Variants in AXIN2 observed in about 807,000 individuals in gnomAD.
AXIN2 encodes the protein axin 2.
In AXIN2, 21 loss-of-function variants were observed where a neutral mutation model predicts 74.7. That is an observed-to-expected ratio of 0.28 (90% CI 0.20 to 0.40). The LOEUF (loss-of-function observed/expected upper bound fraction) is 0.40, where lower values mean the gene tolerates loss of function less well. AXIN2 is among the 10% of genes least tolerant of loss of function. The pLI is 1.00. For missense variants in AXIN2, 1,144 were observed against 1,111.1 expected (o/e 1.03, Z -0.42); for synonymous variants, 532 against 454.9 (o/e 1.17, Z -2.16).
intron 1 of AXIN2, chr17:65,561,053 C>A (rs1218592405): frequency 6.7e-6 from 1 of 149,210 alleles, no homozygotes; most frequent in Non-Finnish European, 1.5e-5. Context: ...CGCCCCGCCG[C>A]CCCTTTTATG....
chr17:65,533,696 C>T (rs898657805), intron 10 of AXIN2, among the ~76,000 whole-genome samples: 1 of 152,206 alleles, frequency 6.6e-6, no homozygotes, highest in Non-Finnish European at 1.5e-5. Flanking sequence ...CCCCAGAGAA[C>T]CCTCCACGCA....
At chr17:65,533,453 A>C (rs1015313594) in intron 10 of AXIN2, among the ~76,000 whole-genome samples, 3 of 152,184 alleles carry the variant, frequency 2.0e-5, no homozygotes, top group Non-Finnish European at 2.9e-5. Context: ...GGAGCCTTCA[A>C]TGTGGGGGTC....
At chr17:65,551,889 G>A (rs1413574097) in intron 2 of AXIN2, among the ~76,000 whole-genome samples, 3 of 152,218 alleles carry the variant, frequency 2.0e-5, no homozygotes, top group African/African-American at 7.2e-5. Context: ...GAAATATGCT[G>A]TAGGCATAGA....
In AXIN2 at chr17:65,558,264, C is replaced by G. The variant is rs2144587270; in HGVS notation, c.357G>C (p.Gln119His). ...DFWFACNGFR[Q>H]MNLKDTKTLR... is the part of the protein sequence containing the mutation. ...AAGTTTTGGTATCCTTCAGGTTCAT[C>G]TGCCTGAATCCATTGCAGGCAAACC... Residue 119 changes from glutamine to histidine, a missense_variant, in exon 2 of 11, where the codon CAG (glutamine) becomes CAC (histidine). Coordinates refer to ENST00000307078, the MANE Select transcript of AXIN2 (RefSeq NM_004655.4). 1 of 1,614,206 alleles carries G rather than the reference C, an allele frequency of 6.2e-7. No individual in the cohort carries two copies. The highest frequency in any genetic ancestry group is 8.5e-7 in the Non-Finnish European group (1 of 1,180,042).
intron 9 of AXIN2, among the ~76,000 whole-genome samples, chr17:65,534,858 A>C (rs1241141115): frequency 2.0e-5 from 3 of 152,144 alleles, no homozygotes; most frequent in Admixed American, 6.5e-5. Flanking sequence ...TGAACCCAGG[A>C]GGCGGAGGCT....
At chr17:65,539,739 C>T (rs1026970723) in intron 4 of AXIN2, among the ~76,000 whole-genome samples, 2 of 152,342 alleles carry the variant, frequency 1.3e-5, no homozygotes, top group Middle Eastern at 6.8e-3. Context: ...ATTTTTTAAA[C>T]ACAACATAAC....
intron 1 of AXIN2, 31 bp from the exon 2 acceptor site, chr17:65,558,767 A>G (rs561099225): frequency 1.2e-6 from 1 of 813,318 alleles, no homozygotes; most frequent in East Asian, 2.7e-5. Context: ...GGAGGTGGGG[A>G]GAGAGAAAAG....
rs1385371992 is a variant in AXIN2, at chr17:65,549,603, A to G, written c.873T>C (p.Phe291=). The change falls in exon 3 of 11, where the codon TTT becomes TTC. Residue 291 remains phenylalanine, a synonymous_variant. Coordinates refer to ENST00000307078, the MANE Select transcript of AXIN2 (RefSeq NM_004655.4). ...TGTCGTTGGCGCTGGTGGCTGGTGC[A>G]AAGACATAGCCAGAACCTATGTGAT... The part of the protein sequence containing the change: ...NPYHIGSGYV[F]APATSANDSE... The G allele has an allele frequency of 1.9e-6, 3 of 1,606,654 alleles. No homozygotes were observed. The highest frequency in any genetic ancestry group is 2.2e-5 in the East Asian group (1 of 44,670).
rs577136523 is a variant in AXIN2 at position 65,537,937 on chromosome 17, C to T, written c.1201-102G>A. ...CTCCCTACGCAGGAGCACGCACACC[C>T]GTGTGCACGCCCACAGCCACGCCCA... is the stretch of plus-strand genomic sequence containing the variant. On this transcript the variant is annotated intron_variant, in intron 5 of 10. Coordinates refer to ENST00000307078, the MANE Select transcript of AXIN2 (RefSeq NM_004655.4). The T allele has an allele frequency of 9.8e-6, 14 of 1,433,038 alleles. No homozygotes were observed. The East Asian group carries it at 2.0e-4, about 20-fold the overall frequency. 88.8% of individuals were successfully genotyped at this position (1,433,038 alleles called of 1,614,324 possible). A position where few individuals can be genotyped will look rare whatever the true frequency, so the allele number is the denominator to read the frequency against.
rs760074335 is a variant in AXIN2 at position 65,558,165 on chromosome 17, G to A, written c.456C>T (p.Ala152=). 1.9e-6 allele frequency: 3 copies of A among 1,613,944 alleles called. No individual in the cohort carries two copies. Among genetic ancestry groups the A allele is most frequent in the African/African-American group, 2.7e-5 (2 of 74,876 alleles). ...TGCCATCTCTTATGTAGGTCTTGGT[G>A]GCAGGCTTCAGCTGCTTGGAGACAA... The part of the protein sequence containing the change: ...NSIVSKQLKP[A]TKTYIRDGIK... Residue 152 remains alanine, a synonymous_variant, in exon 2 of 11, where the codon GCC becomes GCT. Coordinates refer to ENST00000307078, the MANE Select transcript of AXIN2 (RefSeq NM_004655.4).
At position 65,529,807 on chromosome 17, in the gene AXIN2, A is replaced by G. The variant is rs1567749466; in HGVS notation, c.*169T>C. On this transcript the variant is annotated 3_prime_UTR_variant, in exon 11 of 11. Coordinates refer to ENST00000307078, the MANE Select transcript of AXIN2 (RefSeq NM_004655.4). The stretch of plus-strand genomic sequence containing the variant: ...AGTACCCAGCTCATGAATCATGAAA[A>G]TCAACCTCCCCCCGCCCTCCCGAAG... 5.6e-6 allele frequency: 6 copies of G among 1,074,668 alleles called. No homozygotes were observed. Among genetic ancestry groups the G allele is most frequent in the Non-Finnish European group, 6.8e-6 (5 of 732,692 alleles). 66.6% of individuals were successfully genotyped at this position (1,074,668 alleles called of 1,614,324 possible).
chr17:65,532,323 T>C (rs1354064521), intron 10 of AXIN2, among the ~76,000 whole-genome samples: 6 of 152,080 alleles, frequency 3.9e-5, no homozygotes, highest in Non-Finnish European at 4.4e-5. Context: ...CACCTGCAGT[T>C]CCACTCGAAG....
chr17:65,557,033 T>C (rs915209987), intron 2 of AXIN2, among the ~76,000 whole-genome samples: 1 of 152,204 alleles, frequency 6.6e-6, no homozygotes, highest in African/African-American at 2.4e-5. Context: ...AAGAACTATT[T>C]GTCTTTGAAG....
intron 2 of AXIN2, among the ~76,000 whole-genome samples, chr17:65,552,559 G>A (rs2044208582): frequency 6.6e-6 from 1 of 152,156 alleles, no homozygotes; most frequent in Non-Finnish European, 1.5e-5. Context: ...TGGCTGCAGT[G>A]CTCACTGCTG....
intron 4 of AXIN2, among the ~76,000 whole-genome samples, chr17:65,538,999 C>T (rs1485548538): frequency 6.6e-6 from 1 of 152,166 alleles, no homozygotes; most frequent in Non-Finnish European, 1.5e-5. Context: ...AAAGCTGCTG[C>T]AGGCTAGTAG....
Position 65,558,602 on chromosome 17 carries a change from C to A in AXIN2, c.19G>T (p.Val7Leu), listed in dbSNP as rs878854723. 3.1e-6 allele frequency: 5 copies of A among 1,608,286 alleles called. No individual in the cohort carries two copies. Among genetic ancestry groups the A allele is most frequent in the Non-Finnish European group, 4.2e-6 (5 of 1,179,982 alleles). ...CTGCTGGGGTCCGGGAGGCAAGTCA[C>A]CAACATAGCGCTACTCATGGTGAGG... The part of the protein sequence containing the change: MSSAML[V>L]TCLPDPSSSF... The change falls in exon 2 of 11, where the codon GTG becomes TTG. Residue 7 changes from valine (V) to leucine (L), a missense_variant. Transcript: ENST00000307078.
At chr17:65,539,799 G>A (rs1425773998) in intron 4 of AXIN2, among the ~76,000 whole-genome samples, 1 of 152,208 alleles carries the variant, frequency 6.6e-6, no homozygotes, top group Non-Finnish European at 1.5e-5. Flanking sequence ...ATAAACACCT[G>A]CTGTGAGCTG....
intron 2 of AXIN2, among the ~76,000 whole-genome samples, chr17:65,553,619 T>G (rs1455780683): frequency 6.6e-6 from 1 of 152,198 alleles, no homozygotes; most frequent in East Asian, 1.9e-4. Context: ...AGAGGACTAC[T>G]GTGTGACCAG....
chr17:65,547,932 G>C (rs1056764875), intron 3 of AXIN2, among the ~76,000 whole-genome samples: 3 of 152,166 alleles, frequency 2.0e-5, no homozygotes, highest in Non-Finnish European at 2.9e-5. Flanking sequence ...TACACAAACA[G>C]ATCTTGATAT....
Sources: gnomAD v4.1 joint callset for allele counts (sites outside exome capture counted in the v4.1 genomes callset) on GRCh38, gnomAD v4.1.1 for gene constraint, MANE v1.5 for transcripts, NCBI Gene and HGNC (gene_info 2026-07-23, HGNC 2026-07-21) for gene names.